The following ACACA variants were observed in gnomAD, a reference collection of about 807,000 sequenced individuals.
The protein encoded by ACACA is acetyl-CoA carboxylase 1.
A neutral mutation model predicts 296.1 loss-of-function variants in ACACA; 103 were observed. The ratio of observed to expected loss-of-function variants is 0.35; its 90% CI spans 0.30 to 0.41. ACACA has a LOEUF of 0.41. ACACA is among the 10% of genes least tolerant of loss of function. The probability of loss-of-function intolerance (pLI) is 1.00; values close to 1 mark genes in which losing one functional copy is unlikely to be tolerated. For missense variants in ACACA, 1,554 were observed against 2,989.7 expected (o/e 0.52, Z 11.20); for synonymous variants, 953 against 1,038.6 (o/e 0.92, Z 1.58).
intron 33 of ACACA, among the ~76,000 whole-genome samples, chr17:37,201,294 A>C (rs1241254413): frequency 6.6e-6 from 1 of 152,120 alleles, no homozygotes; most frequent in African/African-American, 2.4e-5. Flanking sequence ...GAAAAAAATG[A>C]GCCAAGTGTG....
chr17:37,226,920 C>T (rs2079567097), intron 25 of ACACA, among the ~76,000 whole-genome samples: 1 of 152,054 alleles, frequency 6.6e-6, no homozygotes, highest in Non-Finnish European at 1.5e-5. Context: ...TTTTCAGCAA[C>T]CCAGGAGGAT....
At chr17:37,136,410 A>G (rs2075335493) in intron 45 of ACACA, among the ~76,000 whole-genome samples, 1 of 152,172 alleles carries the variant, frequency 6.6e-6, no homozygotes, top group Non-Finnish European at 1.5e-5. Flanking sequence ...CCTGAGTAAT[A>G]TTCCATTTTA....
chr17:37,241,539 T>C (rs1217312978), intron 23 of ACACA, among the ~76,000 whole-genome samples: 1 of 151,978 alleles, frequency 6.6e-6, no homozygotes, highest in Non-Finnish European at 1.5e-5. Flanking sequence ...ACCCCAGCTC[T>C]TCTAAAAATA....
intron 1 of ACACA, among the ~76,000 whole-genome samples, chr17:37,378,533 T>C (rs1444949226): frequency 6.6e-6 from 1 of 150,694 alleles, no homozygotes; most frequent in Non-Finnish European, 1.5e-5. Flanking sequence ...ACCAACATAG[T>C]GAAACCCCAT....
At chr17:37,273,364 T>A (rs1429536790) in intron 9 of ACACA, among the ~76,000 whole-genome samples, 3 of 152,164 alleles carry the variant, frequency 2.0e-5, no homozygotes, top group African/African-American at 7.2e-5. Flanking sequence ...GAAAAGGTAA[T>A]GTTGGGGAAA....
At chr17:37,377,556 A>G (rs1488663040) in intron 1 of ACACA, among the ~76,000 whole-genome samples, 3 of 151,992 alleles carry the variant, frequency 2.0e-5, no homozygotes, top group Non-Finnish European at 4.4e-5. Context: ...GCTACTCGGG[A>G]GGCTGAGGCA....
chr17:37,363,171 C>CTCTTTT (rs1199866805), intron 1 of ACACA, among the ~76,000 whole-genome samples: 12 of 138,762 alleles, frequency 8.6e-5, no homozygotes, highest in Admixed American at 6.0e-4. Context: ...TTTTCTCTTT[C>CTCTTTT]TCTTTTTCTT....
intron 43 of ACACA, among the ~76,000 whole-genome samples, chr17:37,155,068 T>G (rs969374103): frequency 1.3e-5 from 2 of 152,174 alleles, no homozygotes; most frequent in African/African-American, 4.8e-5. Flanking sequence ...CAATTTCTCT[T>G]CTAGAAATTA....
chr17:37,095,245 T>C (rs952838481), intron 54 of ACACA, among the ~76,000 whole-genome samples: 11 of 152,330 alleles, frequency 7.2e-5, no homozygotes, highest in African/African-American at 2.6e-4. Flanking sequence ...GACAAACTCT[T>C]ATTTTACACT....
At chr17:37,350,899 G>A (rs1375612006) in intron 1 of ACACA, among the ~76,000 whole-genome samples, 1 of 152,004 alleles carries the variant, frequency 6.6e-6, no homozygotes, top group Admixed American at 6.6e-5. Flanking sequence ...CTGGGAGGCC[G>A]AGGTGGGCAG....
chr17:37,305,987 C>T (rs1374221125), intron 3 of ACACA, among the ~76,000 whole-genome samples: 4 of 141,364 alleles, frequency 2.8e-5, no homozygotes, highest in African/African-American at 1.0e-4. Context: ...CGGCTCACTG[C>T]AAGCTCCGCC....
At chr17:37,236,855 A>G (rs1413837890) in intron 24 of ACACA, among the ~76,000 whole-genome samples, 1 of 152,148 alleles carries the variant, frequency 6.6e-6, no homozygotes, top group East Asian at 1.9e-4. Flanking sequence ...CAAACAAAAA[A>G]CAAAACAAAA....
chr17:37,258,088 G>A (rs1434773944), intron 13 of ACACA, 124 bp downstream of exon 13: 1 of 1,289,874 alleles, frequency 7.8e-7, no homozygotes, highest in Non-Finnish European at 1.1e-6. Flanking sequence ...TATCTGCTCT[G>A]AGAAACCTCT....
At chr17:37,148,819 CG>C (rs2075921212) in intron 45 of ACACA, among the ~76,000 whole-genome samples, 2 of 152,084 alleles carry the variant, frequency 1.3e-5, no homozygotes, top group African/African-American at 4.8e-5. Context: ...CCTCCTGTTT[CG>C]GCCTCCTGAG....
intron 15 of ACACA, among the ~76,000 whole-genome samples, chr17:37,252,394 T>C (rs1041813305): frequency 1.3e-5 from 2 of 152,168 alleles, no homozygotes; most frequent in African/African-American, 4.8e-5. Flanking sequence ...CAGAAATAAA[T>C]TTAAAAAGAC....
chr17:37,174,005 TA>T lies in ACACA; in HGVS notation c.5079+5254del, dbSNP rs1295926248. ...ATTTATATATATATATATATATATA[TA>T]TATATATATATATATTTTTTTTTTT... is the stretch of plus-strand genomic sequence containing the variant. On this transcript the variant is annotated intron_variant, in intron 41 of 55. Transcript: ENST00000616317. 7.4e-3 allele frequency among the ~76,000 whole-genome samples: 107 copies of T among 14,470 alleles called. 3 individuals carry two copies. The highest frequency in any genetic ancestry group is 0.021 in the African/African-American group (42 of 2,028). The allele number at this position is 14,470 out of a possible 152,430, so 9.5% of individuals were successfully genotyped here.
intron 14 of ACACA, 70 bp from the exon 15 acceptor site, chr17:37,253,106 G>C: frequency 6.2e-7 from 1 of 1,608,094 alleles, no homozygotes; most frequent in Non-Finnish European, 8.5e-7. Flanking sequence ...TTAAAGATCT[G>C]TTTGGCCAGG....
Position 37,205,833 on chromosome 17 carries a change from T to C in ACACA, c.3988A>G (p.Ile1330Val), listed in dbSNP as rs1442518909. Reference sequence around the variant, plus strand: ...TCCTCAATATCACAGTCAGTCTTGATAGCCACATTGAGAATGTGAATTGGT... The same window carrying C: ...TCCTCAATATCACAGTCAGTCTTGACAGCCACATTGAGAATGTGAATTGGT... Reference protein sequence around the residue: ...DEPIHILNVAIKTDCDIEDDR... With the variant: ...DEPIHILNVAVKTDCDIEDDR... Residue 1330 changes from isoleucine (I) to valine (V), a missense_variant, in exon 33 of 56, where the codon ATC becomes GTC. Ile to Val is a conservative substitution (Grantham distance 29). Coordinates refer to ENST00000616317, the MANE Select transcript of ACACA (RefSeq NM_198834.3). 6.2e-7 allele frequency: 1 copy of C among 1,613,566 alleles called. No individual in the cohort carries two copies. The highest frequency in any genetic ancestry group is 1.7e-5 in the Admixed American group (1 of 60,026).
At chr17:37,179,150 C>T in intron 41 of ACACA, 110 bp downstream of exon 41, 1 of 1,361,906 alleles carries the variant, frequency 7.3e-7, no homozygotes, top group Non-Finnish European at 1.0e-6. Flanking sequence ...CTCTAAAGAA[C>T]TCTCCCAACA....
Sources: allele counts gnomAD v4.1 joint callset (sites outside exome capture counted in the v4.1 genomes callset), GRCh38; gene constraint gnomAD v4.1.1; transcripts MANE v1.5; gene names NCBI Gene and HGNC (gene_info 2026-07-23, HGNC 2026-07-21).